Variants in SCN9A observed in about 807,000 individuals in gnomAD.
SCN9A encodes the protein sodium voltage-gated channel alpha subunit 9.
A neutral mutation model predicts 187.0 loss-of-function variants in SCN9A; 131 were observed. The ratio of observed to expected loss-of-function variants is 0.70; its 90% CI spans 0.61 to 0.81. SCN9A has a LOEUF of 0.81. Among genes scored for constraint, SCN9A ranks in the 30% least tolerant of loss-of-function variants. The probability of loss-of-function intolerance (pLI) is 0.00; values close to 1 mark genes in which losing one functional copy is unlikely to be tolerated. For missense variants in SCN9A, 2,252 were observed against 2,396.6 expected (o/e 0.94, Z 1.26); for synonymous variants, 809 against 808.6 (o/e 1.00, Z -0.01).
chr2:166,266,575 CTTT>C (rs71031233), intron 17 of SCN9A, among the ~76,000 whole-genome samples: 13 of 137,382 alleles, frequency 9.5e-5, no homozygotes, highest in South Asian at 2.3e-4. Context: ...AATGTTAGGA[CTTT>C]TTTTTTTTTT....
chr2:166,265,152 G>C (rs1696676919), intron 17 of SCN9A, among the ~76,000 whole-genome samples: 1 of 151,808 alleles, frequency 6.6e-6, no homozygotes, highest in Admixed American at 6.6e-5. Context: ...TAGAACACCA[G>C]AACTTATTCT....
At chr2:166,367,712 T>C (rs1291421159) in intron 1 of SCN9A, among the ~76,000 whole-genome samples, 2 of 152,220 alleles carry the variant, frequency 1.3e-5, no homozygotes, top group African/African-American at 4.8e-5. Context: ...CAAGTCACAG[T>C]AGTGCAATAA....
At chr2:166,321,856 T>C (rs1699253618) in intron 1 of SCN9A, among the ~76,000 whole-genome samples, 2 of 150,812 alleles carry the variant, frequency 1.3e-5, no homozygotes, top group Admixed American at 1.3e-4. Context: ...CATGCAGTGC[T>C]CCTCCTCAGA....
intron 1 of SCN9A, among the ~76,000 whole-genome samples, chr2:166,361,746 T>C (rs1574966089): frequency 6.6e-6 from 1 of 152,112 alleles, no homozygotes; most frequent in East Asian, 1.9e-4. Context: ...AGCAGAATTA[T>C]GCAAAAGTTT....
intron 1 of SCN9A, among the ~76,000 whole-genome samples, chr2:166,342,376 A>G (rs1025471688): frequency 9.2e-5 from 14 of 152,190 alleles, no homozygotes; most frequent in Non-Finnish European, 1.5e-4. Context: ...CAATGTGCCA[A>G]TGGTCAACTA....
rs116689623 is a variant in SCN9A, at chr2:166,302,261, C to T, written c.901+829G>A. 2.3e-3 allele frequency: 324 copies of T among 143,768 alleles called. 28 individuals carry two copies. Among genetic ancestry groups the T allele is most frequent in the African/African-American group, 9.3e-3 (313 of 33,620 alleles). The allele number at this position is 143,768 out of a possible 1,614,324, so 8.9% of individuals were successfully genotyped here. On this transcript the variant is annotated intron_variant, in intron 7 of 26. Coordinates refer to ENST00000642356, the MANE Select transcript of SCN9A (RefSeq NM_001365536.1). ...GAAAGTACAATCTTGATCATATCTT[C>T]ATCCAATATTCATCAACCGTTCCAG...
At chr2:166,361,037 A>G (rs939934619) in intron 1 of SCN9A, among the ~76,000 whole-genome samples, 1 of 152,214 alleles carries the variant, frequency 6.6e-6, no homozygotes, top group African/African-American at 2.4e-5. Context: ...TCTACTGCTT[A>G]CTAGCTTATG....
At chr2:166,349,541 G>T (rs1428082486) in intron 1 of SCN9A, among the ~76,000 whole-genome samples, 1 of 152,038 alleles carries the variant, frequency 6.6e-6, no homozygotes, top group African/African-American at 2.4e-5. Flanking sequence ...TATTTCAATG[G>T]TCAGAGAAAA....
At chr2:166,223,504 C>T (rs1017762409) in intron 24 of SCN9A, among the ~76,000 whole-genome samples, 1 of 152,200 alleles carries the variant, frequency 6.6e-6, no homozygotes, top group East Asian at 1.9e-4. Flanking sequence ...AATTCCACTT[C>T]GGTGAAGTAA....
chr2:166,251,957 T>A (rs942346590), intron 17 of SCN9A, 72 bp from the exon 18 acceptor site: 6 of 1,535,150 alleles, frequency 3.9e-6, no homozygotes, highest in Non-Finnish European at 5.4e-6. Flanking sequence ...TAAGCCTTAT[T>A]TAATAATCAG....
chr2:166,367,660 GT>G (rs1316469257), intron 1 of SCN9A, among the ~76,000 whole-genome samples: 1 of 152,204 alleles, frequency 6.6e-6, no homozygotes, highest in South Asian at 2.1e-4. Context: ...TCCCATTTCA[GT>G]TTTTTAATGT....
intron 11 of SCN9A, among the ~76,000 whole-genome samples, chr2:166,285,236 T>C (rs1697686679): frequency 6.6e-6 from 1 of 152,336 alleles, no homozygotes; most frequent in East Asian, 1.9e-4. Context: ...GTTCTTTGCA[T>C]TGAAAATCCA....
chr2:166,363,871 T>G (rs185979948), intron 1 of SCN9A, among the ~76,000 whole-genome samples: 18 of 152,110 alleles, frequency 1.2e-4, no homozygotes, highest in Admixed American at 6.5e-4. Flanking sequence ...GAAACTGTTG[T>G]GCATCAAAGA....
chr2:166,358,483 A>G (rs758231448), intron 1 of SCN9A, among the ~76,000 whole-genome samples: 7 of 152,064 alleles, frequency 4.6e-5, no homozygotes, highest in Non-Finnish European at 8.8e-5. Flanking sequence ...CTCTGTCTGT[A>G]TGTAGTCTTG....
At chr2:166,276,366 C>A (rs546509793) in intron 16 of SCN9A, 2 of 152,050 alleles carry the variant, frequency 1.3e-5, no homozygotes, top group Non-Finnish European at 2.9e-5. Context: ...ATAGAAGATA[C>A]GTAAATGAAT....
intron 26 of SCN9A, among the ~76,000 whole-genome samples, chr2:166,201,288 A>C (rs541622486): frequency 6.8e-6 from 1 of 148,078 alleles, no homozygotes; most frequent in East Asian, 2.0e-4. Flanking sequence ...ATACATATAC[A>C]TATACATATA....
At chr2:166,277,635 T>C (rs1697296232) in intron 15 of SCN9A, 1 of 301,622 alleles carries the variant, frequency 3.3e-6, no homozygotes. Flanking sequence ...GAATTGATAA[T>C]TTATCCTTAA....
intron 1 of SCN9A, among the ~76,000 whole-genome samples, chr2:166,354,246 T>C (rs1192966525): frequency 1.3e-5 from 2 of 152,194 alleles, no homozygotes; most frequent in Non-Finnish European, 2.9e-5. Context: ...GAGGCTGATA[T>C]GTGCAAAAAA....
chr2:166,218,728 T>C (rs1232823624), intron 24 of SCN9A, among the ~76,000 whole-genome samples: 1 of 152,102 alleles, frequency 6.6e-6, no homozygotes, highest in Non-Finnish European at 1.5e-5. Flanking sequence ...TGGGATCTAA[T>C]TAAACTAAAG....
Sources: gnomAD v4.1 joint callset for allele counts (sites outside exome capture counted in the v4.1 genomes callset) on GRCh38, gnomAD v4.1.1 for gene constraint, MANE v1.5 for transcripts, NCBI Gene and HGNC (gene_info 2026-07-23, HGNC 2026-07-21) for gene names.